Variants in ACADM observed in about 807,000 individuals in gnomAD.
The protein encoded by ACADM is medium-chain specific acyl-CoA dehydrogenase, mitochondrial.
In ACADM, 49 loss-of-function variants were observed where a neutral mutation model predicts 58.9. That is an observed-to-expected ratio of 0.83 (90% CI 0.66 to 1.06). The LOEUF (loss-of-function observed/expected upper bound fraction) is 1.06. Among genes scored for constraint, ACADM ranks in the 50% least tolerant of loss-of-function variants. The pLI is 0.00. For missense variants in ACADM, 496 were observed against 507.0 expected (o/e 0.98, Z 0.21); for synonymous variants, 160 against 157.7 (o/e 1.01, Z -0.11).
chr1:75,761,113 T>C lies in ACADM; in HGVS notation c.946-9T>C, dbSNP rs1057524311. The C allele has an allele frequency of 6.2e-7, 1 of 1,613,020 alleles. No individual in the cohort carries two copies. Among genetic ancestry groups the C allele is most frequent in the Non-Finnish European group, 8.5e-7 (1 of 1,179,464 alleles). On this transcript the variant is annotated splice_polypyrimidine_tract_variant and intron_variant, in intron 10 of 11. Coordinates refer to ENST00000370841, the MANE Select transcript of ACADM (RefSeq NM_000016.6). ...AAATATCCTTTAATTTTTTTCTTTT[T>C]AATTCTAGCACCAAGCAATATCATT...
intron 1 of ACADM, 72 bp from the exon 2 acceptor site, chr1:75,728,329 G>A: frequency 1.6e-6 from 2 of 1,267,302 alleles, no homozygotes; most frequent in Non-Finnish European, 2.3e-6. Flanking sequence ...ACTCACTTAT[G>A]ATTATCAGTA....
intron 7 of ACADM, among the ~76,000 whole-genome samples, chr1:75,742,438 C>T (rs1647630046): frequency 6.6e-6 from 1 of 152,180 alleles, no homozygotes. Context: ...GACAAGGCCC[C>T]ACTATAACGC....
At chr1:75,744,797 T>C in intron 7 of ACADM, 1 of 554,056 alleles carries the variant, frequency 1.8e-6, no homozygotes, top group Non-Finnish European at 3.3e-6. Flanking sequence ...GTCTCCGTTT[T>C]ATATTATTCC....
At chr1:75,754,786 G>C (rs1648404697) in intron 10 of ACADM, 1 of 152,358 alleles carries the variant, frequency 6.6e-6, no homozygotes, top group Admixed American at 6.5e-5. Context: ...GCAGCCCACA[G>C]AGCATGAGCC....
intron 10 of ACADM, among the ~76,000 whole-genome samples, chr1:75,753,764 T>C (rs894394802): frequency 1.3e-5 from 2 of 150,886 alleles, no homozygotes; most frequent in Admixed American, 6.6e-5. Flanking sequence ...TTTGCTTATC[T>C]TTTAAGCACT....
At chr1:75,737,290 A>G (rs1429221421) in intron 6 of ACADM, among the ~76,000 whole-genome samples, 8 of 78,178 alleles carry the variant, frequency 1.0e-4, no homozygotes, top group Admixed American at 1.2e-4. Context: ...ATATATATAT[A>G]TATATATATA....
intron 6 of ACADM, among the ~76,000 whole-genome samples, chr1:75,739,258 C>G (rs1570875166): frequency 6.6e-6 from 1 of 152,202 alleles, no homozygotes; most frequent in East Asian, 1.9e-4. Flanking sequence ...GACTTTCACA[C>G]ATAGAGTTGC....
chr1:75,743,560 C>T (rs2100400686), intron 7 of ACADM: 2 of 1,594,588 alleles, frequency 1.3e-6, no homozygotes, highest in East Asian at 4.5e-5. Context: ...TACCTTGCCT[C>T]CTATAGCCAC....
At chr1:75,743,054 A>C (rs1475937505) in intron 7 of ACADM, among the ~76,000 whole-genome samples, 1 of 152,170 alleles carries the variant, frequency 6.6e-6, no homozygotes, top group Non-Finnish European at 1.5e-5. Context: ...AAAAGATAGG[A>C]ACTTAATCAC....
intron 10 of ACADM, among the ~76,000 whole-genome samples, chr1:75,753,795 C>CTTTTTTTTTTTT (rs71071962): frequency 0.12 from 9,602 of 80,932 alleles, 1,465 homozygotes; most frequent in Non-Finnish European, 0.15. Context: ...CTGATAGCTT[C>CTTTTTTTTTTTT]TTTTTTTTTT....
chr1:75,743,628 G>A (rs1432728561), intron 7 of ACADM: 3 of 1,545,820 alleles, frequency 1.9e-6, no homozygotes, highest in East Asian at 4.5e-5. Flanking sequence ...TTGATAATGG[G>A]TGTTCAAAGA....
rs1647746720 is a variant in ACADM at position 75,744,112 on chromosome 1, T to C, written c.600-1694T>C. 8.2e-6 allele frequency: 13 copies of C among 1,586,058 alleles called. No individual in the cohort carries two copies. In the Admixed American group the frequency reaches 2.0e-4, roughly 24 times the overall value. ...GCATCCTGTTCATTTTCTCCTGATG[T>C]TCTGAATGCAGACCTTTGCCAGCTC... is the stretch of plus-strand genomic sequence containing the variant. On this transcript the variant is annotated intron_variant, in intron 7 of 11. Coordinates refer to ENST00000370841, the MANE Select transcript of ACADM (RefSeq NM_000016.6).
rs186237574 is a variant in ACADM at position 75,748,576 on chromosome 1, A to G, written c.709-843A>G. On this transcript the variant is annotated intron_variant, in intron 8 of 11. Transcript: ENST00000370841. Reference sequence around the variant, plus strand: ...AATGAATTATTGATCATGCAGCAACATGGATGAATCTCAGAAGCACTATAC... The same window carrying G: ...AATGAATTATTGATCATGCAGCAACGTGGATGAATCTCAGAAGCACTATAC... 2.0e-3 allele frequency among the ~76,000 whole-genome samples: 312 copies of G among 152,330 alleles called. 2 individuals carry two copies. Among genetic ancestry groups the G allele is most frequent in the African/African-American group, 7.0e-3 (290 of 41,568 alleles).
At chr1:75,733,203 A>G (rs1227467007) in intron 4 of ACADM, 9 of 1,599,142 alleles carry the variant, frequency 5.6e-6, no homozygotes, top group African/African-American at 2.7e-5. Context: ...CCTATCTTCT[A>G]TATTACATTT....
rs752041027 is a variant in ACADM at position 75,734,803 on chromosome 1, A to G, written c.400A>G (p.Ile134Val). 14 of 1,613,236 alleles carry G rather than the reference A, an allele frequency of 8.7e-6. No individual in the cohort carries two copies. The highest frequency in any genetic ancestry group is 6.8e-6 in the Non-Finnish European group (8 of 1,179,416). Residue 134 changes from isoleucine (I) to valine (V), a missense_variant, in exon 6 of 12, where the codon ATT becomes GTT. Physicochemically the swap from Ile to Val is conservative, Grantham distance 29. Coordinates refer to ENST00000370841, the MANE Select transcript of ACADM (RefSeq NM_000016.6). ...EGNSLGQMPIIIAGNDQQKKK... is the reference protein window; with the variant it reads ...EGNSLGQMPIVIAGNDQQKKK... ...TTTTCTTCGGTAGCAAATGCCTATTATTATTGCTGGAAATGATCAACAAAA... is the reference window on the plus strand; with the variant it reads ...TTTTCTTCGGTAGCAAATGCCTATTGTTATTGCTGGAAATGATCAACAAAA...
chr1:75,745,748 A>G, intron 7 of ACADM, 58 bp from the exon 8 acceptor site: 2 of 1,154,208 alleles, frequency 1.7e-6, no homozygotes, highest in Non-Finnish European at 2.6e-6. Flanking sequence ...CTGAGAGAGC[A>G]ATCACCATGT....
chr1:75,753,877 A>G (rs1219948402), intron 10 of ACADM, among the ~76,000 whole-genome samples: 2 of 140,986 alleles, frequency 1.4e-5, no homozygotes, highest in African/African-American at 5.5e-5. Flanking sequence ...GCTCACTGCA[A>G]CCACTGCCTC....
At chr1:75,743,349 A>G in intron 7 of ACADM, 1 of 1,544,020 alleles carries the variant, frequency 6.5e-7, no homozygotes, top group Non-Finnish European at 8.8e-7. Flanking sequence ...CCTGGGACCC[A>G]TGAGGGGACA....
chr1:75,744,312 C>G (rs565655624), intron 7 of ACADM: 9 of 1,613,456 alleles, frequency 5.6e-6, no homozygotes, highest in African/African-American at 1.3e-5. Flanking sequence ...GAGCTTCAGC[C>G]GGCTTGGCCT....
Sources: gnomAD v4.1 joint callset for allele counts (sites outside exome capture counted in the v4.1 genomes callset) on GRCh38, gnomAD v4.1.1 for gene constraint, MANE v1.5 for transcripts, NCBI Gene and HGNC (gene_info 2026-07-23, HGNC 2026-07-21) for gene names.